Variants in GID4 observed in about 807,000 individuals in gnomAD.
GID4 encodes the protein GID complex subunit 4 homolog, also known as glucose-induced degradation protein 4 homolog.
In GID4, 7 loss-of-function variants were observed where a neutral mutation model predicts 32.4. The ratio of observed to expected loss-of-function variants is 0.22; its 90% CI spans 0.12 to 0.41. GID4 has a LOEUF of 0.41. Ranked by LOEUF, GID4 falls within the 10% of genes least tolerant of loss-of-function variation. GID4 has a pLI of 1.00. For missense variants in GID4, 309 were observed against 400.0 expected, an observed-to-expected ratio of 0.77 and a Z score of 1.94; for synonymous variants, 166 against 170.0, an observed-to-expected ratio of 0.98 and a Z score of 0.18.
chr17:18,063,593 T>C (rs1219503597), intron 5 of GID4, among the ~76,000 whole-genome samples: 15 of 152,200 alleles, frequency 9.9e-5, no homozygotes, highest in Admixed American at 9.8e-4. Context: ...TAGATTTGCC[T>C]ATTCTGGGTA....
At position 18,058,971 on chromosome 17, in the gene GID4, T is replaced by C. The variant is rs1355696513; in HGVS notation, c.708+2T>C. On this transcript the variant is annotated splice_donor_variant, in intron 4 of 5. Coordinates refer to ENST00000268719, the MANE Select transcript of GID4 (RefSeq NM_024052.5). LOFTEE classifies it high-confidence loss of function. Reference sequence around the variant, plus strand: ...GACTACGTCTTCATGAGGTGGAAGGTAAGTTCCCACCAGGTGGCCCTCCAG... The same window carrying C: ...GACTACGTCTTCATGAGGTGGAAGGCAAGTTCCCACCAGGTGGCCCTCCAG... 2.5e-6 allele frequency: 4 copies of C among 1,587,038 alleles called. No individual in the cohort carries two copies. The Admixed American group carries it at 6.7e-5, about 26-fold the overall frequency.
At chr17:18,049,357 T>A (rs141883454) in intron 2 of GID4, among the ~76,000 whole-genome samples, 115 of 131,336 alleles carry the variant, frequency 8.8e-4, no homozygotes, top group Middle Eastern at 8.1e-3. Context: ...AAAAAGGAGA[T>A]AAGTGTCAAA....
In GID4 at chr17:18,039,590, C is replaced by CT; in HGVS notation, c.127dup (p.Ser43PhefsTer120). On this transcript the variant is annotated frameshift_variant, in exon 1 of 6. Transcript: ENST00000268719. LOFTEE classifies it high-confidence loss of function. This position sits in a 1 kb window ranked among gnomAD's most constrained non-coding sequence, Gnocchi z 5.3. ...GCAGGCAGCGGGCGGGTGGTCGCCC[C>CT]TCCCGCCCCCACCCCGCGCGTGCGC... is the stretch of plus-strand genomic sequence containing the variant. 7.7e-7 allele frequency: 1 copy of CT among 1,297,330 alleles called. No homozygotes were observed. Among genetic ancestry groups the CT allele is most frequent in the South Asian group, 2.4e-5 (1 of 42,090 alleles). 80.4% of individuals were successfully genotyped at this position (1,297,330 alleles called of 1,614,324 possible). A position where few individuals can be genotyped will look rare whatever the true frequency, so the allele number is the denominator to read the frequency against.
At chr17:18,044,230 G>C (rs1279605943) in intron 1 of GID4, among the ~76,000 whole-genome samples, 1 of 152,184 alleles carries the variant, frequency 6.6e-6, no homozygotes, top group Non-Finnish European at 1.5e-5. Context: ...TGATGAGCCA[G>C]AAATGGGTCA....
chr17:18,056,627 C>T, intron 3 of GID4: 1 of 1,432,206 alleles, frequency 7.0e-7, no homozygotes, highest in Non-Finnish European at 9.4e-7. Context: ...CCCAGTGACA[C>T]TCAGTTTTAG....
At position 18,039,913 on chromosome 17, in the gene GID4, G is replaced by C; in HGVS notation, c.438+11G>C. The C allele has an allele frequency of 7.3e-7, 1 of 1,374,118 alleles. No individual in the cohort carries two copies. Among genetic ancestry groups the C allele is most frequent in the Non-Finnish European group, 9.5e-7 (1 of 1,053,910 alleles). The allele number at this position is 1,374,118 out of a possible 1,614,324, so 85.1% of individuals were successfully genotyped here. On this transcript the variant is annotated intron_variant, in intron 1 of 5. Transcript: ENST00000268719. This position sits in a 1 kb window ranked among gnomAD's most constrained non-coding sequence, Gnocchi z 5.3. ...GAGGTGGTGCTGCAGGTGAGCGCCG[G>C]GCCGGGCCGGGGCCCGAGGGCCTCC...
At position 18,067,957 on chromosome 17, in the gene GID4, A is replaced by G. The variant is rs911384172; in HGVS notation, c.*2714A>G. 6.6e-6 allele frequency: 1 copy of G among 152,664 alleles called. No individual in the cohort carries two copies. The highest frequency in any genetic ancestry group is 2.4e-5 in the African/African-American group (1 of 41,446). The allele number at this position is 152,664 out of a possible 1,614,324, so 9.5% of individuals were successfully genotyped here. ...AGTGTTTCAGCTGCTGTCCCAAAGTAACAAAACAATACCTACTGTTAAGTA... is the reference window on the plus strand; with the variant it reads ...AGTGTTTCAGCTGCTGTCCCAAAGTGACAAAACAATACCTACTGTTAAGTA... On this transcript the variant is annotated 3_prime_UTR_variant, in exon 6 of 6. Coordinates refer to ENST00000268719, the MANE Select transcript of GID4 (RefSeq NM_024052.5).
chr17:18,067,557 G>A lies in GID4; in HGVS notation c.*2314G>A, dbSNP rs2045077763. The A allele has an allele frequency of 6.6e-6, 1 of 152,474 alleles. No individual in the cohort carries two copies. Among genetic ancestry groups the A allele is most frequent in the African/African-American group, 2.4e-5 (1 of 41,394 alleles). 9.4% of individuals were successfully genotyped at this position (152,474 alleles called of 1,614,324 possible). ...TTAAAAGTCTGCCCACTGAGGATAG[G>A]GAAAGGATTAAGGATTTTTCCACCT... On this transcript the variant is annotated 3_prime_UTR_variant, in exon 6 of 6. Transcript: ENST00000268719.
chr17:18,065,164 C>A lies in GID4; in HGVS notation c.840-16C>A. 6.2e-7 allele frequency: 1 copy of A among 1,608,036 alleles called. No homozygotes were observed. Among genetic ancestry groups the A allele is most frequent in the Non-Finnish European group, 8.5e-7 (1 of 1,174,476 alleles). ...TTAGATGACTACCTCCCGTTTCTGT[C>A]TCCTCCCCCTTGCAGGTATCAGTCC... is the stretch of plus-strand genomic sequence containing the variant. On this transcript the variant is annotated splice_polypyrimidine_tract_variant and intron_variant, in intron 5 of 5. Transcript: ENST00000268719.
chr17:18,066,270 T>G lies in GID4; in HGVS notation c.*1027T>G, dbSNP rs921309975. On this transcript the variant is annotated 3_prime_UTR_variant, in exon 6 of 6. Coordinates refer to ENST00000268719, the MANE Select transcript of GID4 (RefSeq NM_024052.5). ...TAGTGCTCAACACAAGAACTGTTTTTGGGGCCAGTTTAGCATTTGTGCCGC... is the reference window on the plus strand; with the variant it reads ...TAGTGCTCAACACAAGAACTGTTTTGGGGGCCAGTTTAGCATTTGTGCCGC... The G allele has an allele frequency of 1.3e-5, 2 of 152,576 alleles. No individual in the cohort carries two copies. Among genetic ancestry groups the G allele is most frequent in the African/African-American group, 2.4e-5 (1 of 41,420 alleles). 9.5% of individuals were successfully genotyped at this position (152,576 alleles called of 1,614,324 possible). A position where few individuals can be genotyped will look rare whatever the true frequency, so the allele number is the denominator to read the frequency against.
rs1048686715 is a variant in GID4, at chr17:18,061,614, C to G, written c.709-231C>G. ...TCTGAATTGCTGATCCTAGTGAGCT[C>G]AAGACACAGTTTGTCACTTTAGTAT... On this transcript the variant is annotated intron_variant, in intron 4 of 5. Transcript: ENST00000268719. The surrounding 1 kb of genome is among the most constrained non-coding windows in gnomAD (Gnocchi z 4.4). 6.6e-6 allele frequency among the ~76,000 whole-genome samples: 1 copy of G among 152,092 alleles called. No homozygotes were observed. Among genetic ancestry groups the G allele is most frequent in the African/African-American group, 2.4e-5 (1 of 41,404 alleles).
Position 18,067,146 on chromosome 17 carries a change from A to C in GID4, c.*1903A>C, listed in dbSNP as rs938868169. On this transcript the variant is annotated 3_prime_UTR_variant, in exon 6 of 6. Coordinates refer to ENST00000268719, the MANE Select transcript of GID4 (RefSeq NM_024052.5). Reference sequence around the variant, plus strand: ...GGTTGAGCTGATGGACAAGTGAAGGAGGCCATGGGGCTGTGCTGTCCTTCC... The same window carrying C: ...GGTTGAGCTGATGGACAAGTGAAGGCGGCCATGGGGCTGTGCTGTCCTTCC... 1 of 152,380 alleles carries C rather than the reference A, an allele frequency of 6.6e-6. No homozygotes were observed. The highest frequency in any genetic ancestry group is 1.5e-5 in the Non-Finnish European group (1 of 68,216). The allele number at this position is 152,380 out of a possible 1,614,324, so 9.4% of individuals were successfully genotyped here. A position where few individuals can be genotyped will look rare whatever the true frequency, so the allele number is the denominator to read the frequency against.
At chr17:18,052,618 G>T (rs2044923358) in intron 2 of GID4, among the ~76,000 whole-genome samples, 1 of 152,162 alleles carries the variant, frequency 6.6e-6, no homozygotes, top group African/African-American at 2.4e-5. Context: ...TGAGAGGTGG[G>T]TGCTTGGTTG....
chr17:18,064,089 T>A (rs2045040042), intron 5 of GID4, among the ~76,000 whole-genome samples: 1 of 152,230 alleles, frequency 6.6e-6, no homozygotes, highest in Admixed American at 6.5e-5. Flanking sequence ...AGTGGACACT[T>A]AGATTGCTTC....
At chr17:18,056,860 T>C in intron 3 of GID4, 1 of 1,550,588 alleles carries the variant, frequency 6.4e-7, no homozygotes, top group Non-Finnish European at 8.7e-7. Flanking sequence ...CAACAGTTTG[T>C]GGCTGCTTTT....
chr17:18,047,525 G>C (rs1450820684), intron 2 of GID4, among the ~76,000 whole-genome samples: 2 of 152,244 alleles, frequency 1.3e-5, no homozygotes, highest in African/African-American at 2.4e-5. Flanking sequence ...CCTTCCTTTA[G>C]GAAGCCCCCG....
chr17:18,049,475 C>T (rs550276514), intron 2 of GID4, among the ~76,000 whole-genome samples: 2 of 151,578 alleles, frequency 1.3e-5, no homozygotes, highest in South Asian at 2.1e-4. Flanking sequence ...GGTGTACATG[C>T]GCAGGTTTGA....
At chr17:18,064,394 T>A (rs926346125) in intron 5 of GID4, among the ~76,000 whole-genome samples, 1 of 152,216 alleles carries the variant, frequency 6.6e-6, no homozygotes, top group Non-Finnish European at 1.5e-5. Flanking sequence ...TAGTTCTAAT[T>A]TGCATATTTT....
intron 2 of GID4, 63 bp from the exon 3 acceptor site, chr17:18,054,064 T>G: frequency 1.1e-6 from 1 of 891,468 alleles, no homozygotes; most frequent in East Asian, 2.5e-5. Context: ...TTATTTTTCC[T>G]TTGTACAAAG....
Sources: allele counts gnomAD v4.1 joint callset (sites outside exome capture counted in the v4.1 genomes callset), GRCh38; gene constraint gnomAD v4.1.1; non-coding constraint Gnocchi (gnomAD v3.1); transcripts MANE v1.5; gene names NCBI Gene and HGNC (gene_info 2026-07-23, HGNC 2026-07-21).